KIF6: variants seen among roughly 807,000 people sequenced by gnomAD.
KIF6 encodes kinesin family member 6.
A neutral mutation model predicts 112.7 loss-of-function variants in KIF6; 106 were observed. The ratio of observed to expected loss-of-function variants is 0.94; its 90% CI spans 0.80 to 1.11. The LOEUF (loss-of-function observed/expected upper bound fraction) is 1.11. KIF6 is among the 50% of genes least tolerant of loss of function. KIF6 has a pLI of 0.00. For missense variants in KIF6, 929 were observed against 964.0 expected (o/e 0.96, Z 0.48); for synonymous variants, 339 against 339.9 (o/e 1.00, Z 0.03).
intron 3 of KIF6, among the ~76,000 whole-genome samples, chr6:39,658,282 G>A (rs777276771): frequency 6.6e-6 from 1 of 152,152 alleles, no homozygotes; most frequent in Non-Finnish European, 1.5e-5. Flanking sequence ...GAGACAGAAG[G>A]AGAGTTGGAA....
At chr6:39,590,294 C>T (rs996430542) in intron 7 of KIF6, among the ~76,000 whole-genome samples, 1 of 151,936 alleles carries the variant, frequency 6.6e-6, no homozygotes. Flanking sequence ...AACAAATTCA[C>T]TTTTTTTCCT....
chr6:39,625,977 G>C (rs1784072121), intron 5 of KIF6, among the ~76,000 whole-genome samples: 1 of 152,140 alleles, frequency 6.6e-6, no homozygotes, highest in Non-Finnish European at 1.5e-5. Context: ...AGGGCAGGGA[G>C]TAGTTTACCA....
At chr6:39,649,825 G>T (rs538659701) in intron 3 of KIF6, among the ~76,000 whole-genome samples, 1 of 152,326 alleles carries the variant, frequency 6.6e-6, no homozygotes, top group South Asian at 2.1e-4. Flanking sequence ...AATGTCGTAA[G>T]CAATCCTCTC....
At chr6:39,510,388 G>C (rs992447524) in intron 13 of KIF6, among the ~76,000 whole-genome samples, 1 of 151,966 alleles carries the variant, frequency 6.6e-6, no homozygotes, top group Admixed American at 6.6e-5. Context: ...CACCACGTCC[G>C]GCTCAACATT....
intron 5 of KIF6, among the ~76,000 whole-genome samples, chr6:39,620,038 G>A (rs780895325): frequency 4.6e-5 from 7 of 152,064 alleles, no homozygotes; most frequent in East Asian, 1.9e-4. Context: ...TCTATTGCCC[G>A]CCAGACATCA....
Position 39,424,126 on chromosome 6 carries a change from C to T in KIF6, c.1755-4123G>A, listed in dbSNP as rs1459441640. ...TTCCATCCCCCACAACATTCCCAGGCAGGCTTGAATCTTAGTTTCGTCAAG... is the reference window on the plus strand; with the variant it reads ...TTCCATCCCCCACAACATTCCCAGGTAGGCTTGAATCTTAGTTTCGTCAAG... On this transcript the variant is annotated intron_variant, in intron 14 of 22. Coordinates refer to ENST00000287152, the MANE Select transcript of KIF6 (RefSeq NM_145027.6). 2.0e-5 allele frequency among the ~76,000 whole-genome samples: 3 copies of T among 152,314 alleles called. No individual in the cohort carries two copies. The East Asian group carries it at 5.8e-4, about 29-fold the overall frequency.
chr6:39,624,371 C>G (rs1783982568), intron 5 of KIF6, among the ~76,000 whole-genome samples: 1 of 152,080 alleles, frequency 6.6e-6, no homozygotes, highest in African/African-American at 2.4e-5. Flanking sequence ...TTTTCTCTAT[C>G]AGTTGAGCTA....
At chr6:39,569,520 A>G (rs916768018) in intron 10 of KIF6, among the ~76,000 whole-genome samples, 1 of 152,252 alleles carries the variant, frequency 6.6e-6, no homozygotes, top group Admixed American at 6.5e-5. Context: ...AACTTCAAAC[A>G]TATTGAAGAA....
rs562119629 is a variant in KIF6 at position 39,570,560 on chromosome 6, G to C, written c.1181+7496C>G. On this transcript the variant is annotated intron_variant, in intron 10 of 22. Transcript: ENST00000287152. Reference sequence around the variant, plus strand: ...CTATGGATACTAATTGATAGAGTTTGGCTGTGTCCCCACTCAAATCTCATC... The same window carrying C: ...CTATGGATACTAATTGATAGAGTTTCGCTGTGTCCCCACTCAAATCTCATC... Among the ~76,000 whole-genome samples the C allele has an allele frequency of 1.8e-4, 28 of 152,244 alleles. No homozygotes were observed. In the East Asian group the frequency reaches 5.4e-3, roughly 29 times the overall value.
intron 15 of KIF6, among the ~76,000 whole-genome samples, chr6:39,411,435 A>T (rs531478884): frequency 2.7e-4 from 41 of 152,358 alleles, no homozygotes; most frequent in African/African-American, 9.9e-4. Flanking sequence ...TTCTAAAATC[A>T]AAAGAGCCAA....
At chr6:39,447,037 T>C (rs2150402811) in intron 13 of KIF6, among the ~76,000 whole-genome samples, 1 of 152,322 alleles carries the variant, frequency 6.6e-6, no homozygotes, top group Non-Finnish European at 1.5e-5. Flanking sequence ...AGCAATCTGT[T>C]ACGAGTGAAA....
intron 15 of KIF6, among the ~76,000 whole-genome samples, chr6:39,390,351 C>T (rs2150322244): frequency 6.6e-6 from 1 of 152,186 alleles, no homozygotes; most frequent in East Asian, 1.9e-4. Flanking sequence ...AATGTCAAAT[C>T]AATGGTAGAG....
intron 17 of KIF6, 95 bp downstream of exon 17, chr6:39,362,339 C>T: frequency 1.1e-6 from 1 of 921,458 alleles, no homozygotes; most frequent in Non-Finnish European, 1.8e-6. Context: ...GCTGGACCCA[C>T]ATCCCTGAGT....
chr6:39,508,410 C>T (rs928666410), intron 13 of KIF6, among the ~76,000 whole-genome samples: 4 of 152,146 alleles, frequency 2.6e-5, no homozygotes, highest in African/African-American at 7.2e-5. Flanking sequence ...GGCAGGGCGT[C>T]GCCTCACCTG....
intron 10 of KIF6, among the ~76,000 whole-genome samples, chr6:39,557,939 T>C (rs1355322262): frequency 6.6e-6 from 1 of 150,684 alleles, no homozygotes; most frequent in African/African-American, 2.4e-5. Flanking sequence ...GTGATTTCTA[T>C]CCCCCTTTTT....
chr6:39,599,986 G>C, intron 6 of KIF6, among the ~76,000 whole-genome samples: 1 of 152,152 alleles, frequency 6.6e-6, no homozygotes, highest in East Asian at 1.9e-4. Flanking sequence ...AATATTTTCT[G>C]CATGAAGTAG....
At chr6:39,409,246 T>C (rs1162835048) in intron 15 of KIF6, among the ~76,000 whole-genome samples, 1 of 152,178 alleles carries the variant, frequency 6.6e-6, no homozygotes, top group Non-Finnish European at 1.5e-5. Context: ...CAGGCAATCC[T>C]ATCTCTGTCC....
At chr6:39,636,124 G>T (rs2150761105) in intron 4 of KIF6, among the ~76,000 whole-genome samples, 1 of 152,080 alleles carries the variant, frequency 6.6e-6, no homozygotes, top group East Asian at 1.9e-4. Flanking sequence ...CCTCTACCAT[G>T]TCAGGCCTTC....
At chr6:39,616,171 G>C (rs975636095) in intron 5 of KIF6, among the ~76,000 whole-genome samples, 24 of 152,190 alleles carry the variant, frequency 1.6e-4, no homozygotes, top group African/African-American at 5.8e-4. Flanking sequence ...AAGGTAAAAA[G>C]TGTTAAATGT....
Sources: allele counts gnomAD v4.1 joint callset (sites outside exome capture counted in the v4.1 genomes callset), GRCh38; gene constraint gnomAD v4.1.1; transcripts MANE v1.5; gene names NCBI Gene and HGNC (gene_info 2026-07-23, HGNC 2026-07-21).